The following PDE10A variants were observed in gnomAD, a reference collection of about 807,000 sequenced individuals.
PDE10A encodes cAMP and cAMP-inhibited cGMP 3',5'-cyclic phosphodiesterase 10A.
A neutral mutation model predicts 97.7 loss-of-function variants in PDE10A; 39 were observed. The observed-to-expected ratio is 0.40, with a 90% CI of 0.31 to 0.52. The LOEUF is 0.52. PDE10A is among the 20% of genes least tolerant of loss of function. PDE10A has a pLI of 0.56. For synonymous variants in PDE10A, 371 were observed against 376.8 expected, an observed-to-expected ratio of 0.98 and a Z score of 0.18; for missense variants, 731 against 1,047.8, an observed-to-expected ratio of 0.70 and a Z score of 4.17.
At chr6:165,945,696 G>A (rs1783742805) in intron 1 of PDE10A, among the ~76,000 whole-genome samples, 1 of 152,228 alleles carries the variant, frequency 6.6e-6, no homozygotes, top group South Asian at 2.1e-4. Flanking sequence ...CCAGCCTGCA[G>A]GACTCTGAGA....
intron 18 of PDE10A, among the ~76,000 whole-genome samples, chr6:165,345,027 C>A (rs1397240583): frequency 6.6e-6 from 1 of 151,882 alleles, no homozygotes; most frequent in African/African-American, 2.4e-5. Context: ...GAATATATGA[C>A]CTTTTTTTTC....
At chr6:165,378,019 A>T (rs757869787) in intron 18 of PDE10A, among the ~76,000 whole-genome samples, 3 of 152,222 alleles carry the variant, frequency 2.0e-5, no homozygotes, top group Non-Finnish European at 4.4e-5. Context: ...ATCAGTTTCA[A>T]GCTCTACAAA....
At chr6:165,936,569 T>C (rs1343931794) in intron 1 of PDE10A, among the ~76,000 whole-genome samples, 2 of 152,064 alleles carry the variant, frequency 1.3e-5, no homozygotes, top group Non-Finnish European at 2.9e-5. Context: ...GCTGTGTCTA[T>C]TGTGTGGTGA....
intron 1 of PDE10A, among the ~76,000 whole-genome samples, chr6:165,727,390 T>G (rs973217308): frequency 2.0e-5 from 3 of 152,202 alleles, no homozygotes; most frequent in Non-Finnish European, 2.9e-5. Context: ...GTGTGGAAGC[T>G]GCTGGCTGAG....
chr6:165,960,236 G>A (rs1784315052), intron 1 of PDE10A, among the ~76,000 whole-genome samples: 1 of 152,136 alleles, frequency 6.6e-6, no homozygotes. Context: ...AAATAGTGAA[G>A]GCTGAGTAGC....
intron 3 of PDE10A, among the ~76,000 whole-genome samples, chr6:165,454,901 A>AAC (rs1562482735): frequency 6.6e-6 from 1 of 152,060 alleles, no homozygotes; most frequent in East Asian, 1.9e-4. Context: ...AGAATATTTC[A>AAC]CTGAATTCCC....
rs368940071 is a variant in PDE10A, at chr6:165,732,168, G to A, written c.-614-188600C>T. Among the ~76,000 whole-genome samples the A allele has an allele frequency of 4.6e-5, 7 of 152,318 alleles. No individual in the cohort carries two copies. In the East Asian group the frequency reaches 1.2e-3, roughly 25 times the overall value. ...ATGCATTTAAAGCTGGCTTTCTTAC[G>A]AGAACTACCTGCCTCTCCCTTTTAT... On this transcript the variant is annotated intron_variant, in intron 1 of 19. Coordinates refer to the PDE10A transcript ENST00000366882.
At chr6:165,878,719 G>A (rs1392465773) in intron 1 of PDE10A, among the ~76,000 whole-genome samples, 1 of 152,180 alleles carries the variant, frequency 6.6e-6, no homozygotes, top group East Asian at 1.9e-4. Flanking sequence ...GAGACGGCGA[G>A]ATGATCCTGA....
chr6:165,753,590 T>C (rs71571420), intron 1 of PDE10A, among the ~76,000 whole-genome samples: 1,993 of 152,374 alleles, frequency 0.013, 26 homozygotes, highest in Non-Finnish European at 0.019. Context: ...ATAGACATCA[T>C]TTTAATTTTA....
At chr6:165,428,760 C>T (rs1426682984) in intron 9 of PDE10A, 51 bp from the exon 10 acceptor site, 1 of 658,416 alleles carries the variant, frequency 1.5e-6, no homozygotes. Context: ...GTTCACAGTA[C>T]ATATTACACT....
intron 2 of PDE10A, among the ~76,000 whole-genome samples, chr6:165,539,799 C>G (rs1333751385): frequency 5.9e-5 from 9 of 151,866 alleles, no homozygotes; most frequent in Non-Finnish European, 1.3e-4. Context: ...TGGTGGTGCG[C>G]ACCTGTAATC....
At chr6:165,552,865 G>A (rs1021974757) in intron 1 of PDE10A, among the ~76,000 whole-genome samples, 3 of 152,108 alleles carry the variant, frequency 2.0e-5, no homozygotes, top group African/African-American at 7.2e-5. Flanking sequence ...CCTTTGTCTT[G>A]TATGATTTCA....
intron 2 of PDE10A, among the ~76,000 whole-genome samples, chr6:165,536,876 A>G (rs546080091): frequency 8.5e-5 from 13 of 152,136 alleles, no homozygotes; most frequent in African/African-American, 2.9e-4. Flanking sequence ...CCATTATGGA[A>G]AACAGTATGG....
At chr6:165,589,558 C>T (rs1786125808) in intron 1 of PDE10A, among the ~76,000 whole-genome samples, 1 of 151,902 alleles carries the variant, frequency 6.6e-6, no homozygotes, top group African/African-American at 2.4e-5. Context: ...TTTGGGAGTA[C>T]ATAGGTATTC....
At chr6:165,701,538 A>C (rs73028177) in intron 1 of PDE10A, among the ~76,000 whole-genome samples, 8,143 of 152,268 alleles carry the variant, frequency 0.053, 379 homozygotes, top group African/African-American at 0.12. Flanking sequence ...CTGCCATCAA[A>C]AAAGCCACAA....
chr6:165,982,814 A>G (rs1254401875), intron 1 of PDE10A, among the ~76,000 whole-genome samples: 2 of 152,210 alleles, frequency 1.3e-5, no homozygotes, highest in African/African-American at 2.4e-5. Flanking sequence ...TTCAGTTATA[A>G]TCAACCAAAC....
chr6:165,635,513 G>A lies in PDE10A; in HGVS notation c.865+26434C>T, dbSNP rs981453361. Reference sequence around the variant, plus strand: ...GGTGTGTGTGCATGCACGCGTGCACGACCATCACAGCGGATTTGGAATTAC... The same window carrying A: ...GGTGTGTGTGCATGCACGCGTGCACAACCATCACAGCGGATTTGGAATTAC... On this transcript the variant is annotated intron_variant, in intron 1 of 21. Coordinates refer to ENST00000539869, the MANE Select transcript of PDE10A (RefSeq NM_001385079.1). 3.3e-5 allele frequency among the ~76,000 whole-genome samples: 5 copies of A among 152,238 alleles called. No individual in the cohort carries two copies. The East Asian group carries it at 5.8e-4, about 18-fold the overall frequency.
At chr6:165,827,941 T>G (rs1051851819) in intron 1 of PDE10A, among the ~76,000 whole-genome samples, 3 of 152,210 alleles carry the variant, frequency 2.0e-5, no homozygotes, top group Non-Finnish European at 2.9e-5. Flanking sequence ...TCACTTAGAA[T>G]AGTGGTCTCC....
At chr6:165,715,262 A>T (rs2128447162) in intron 1 of PDE10A, among the ~76,000 whole-genome samples, 1 of 152,380 alleles carries the variant, frequency 6.6e-6, no homozygotes, top group African/African-American at 2.4e-5. Flanking sequence ...TCTGGGATAA[A>T]CAATCATATT....
Sources: gnomAD v4.1 joint callset for allele counts (sites outside exome capture counted in the v4.1 genomes callset) on GRCh38, gnomAD v4.1.1 for gene constraint, MANE v1.5 for transcripts, NCBI Gene and HGNC (gene_info 2026-07-23, HGNC 2026-07-21) for gene names.